SDAD1: variants seen among roughly 807,000 people sequenced by gnomAD.
SDAD1 encodes SDA1 domain containing 1, also known as protein SDA1 homolog.
Under a neutral mutation model 100.3 loss-of-function variants are expected in SDAD1, and 79 were observed. The ratio of observed to expected loss-of-function variants is 0.79; its 90% CI spans 0.66 to 0.95. The LOEUF is 0.95. Ranked by LOEUF, SDAD1 falls within the 40% of genes least tolerant of loss-of-function variation. The probability of loss-of-function intolerance (pLI) is 0.00; values close to 1 mark genes in which losing one functional copy is unlikely to be tolerated. For synonymous variants in SDAD1, 267 were observed against 271.4 expected (o/e 0.98, Z 0.16); for missense variants, 790 against 810.9 (o/e 0.97, Z 0.31).
rs753084246 is a variant in SDAD1 at position 75,990,675 on chromosome 4, C to G, written c.90+77G>C. The G allele has an allele frequency of 2.5e-6, 4 of 1,607,332 alleles. No homozygotes were observed. The African/African-American group carries it at 5.3e-5, about 21-fold the overall frequency. ...TAGGCGGCGAGCCTGGATCCCAGCC[C>G]CACTCCATGCTTTCCCGCACCGGCG... On this transcript the variant is annotated intron_variant, in intron 1 of 21. Coordinates refer to ENST00000356260, the MANE Select transcript of SDAD1 (RefSeq NM_018115.4).
At chr4:75,968,373 G>C (rs1263508137) in intron 11 of SDAD1, among the ~76,000 whole-genome samples, 1 of 152,086 alleles carries the variant, frequency 6.6e-6, no homozygotes, top group Non-Finnish European at 1.5e-5. Context: ...TGTTTGAAAA[G>C]TGTTTTTCTT....
At position 75,957,407 on chromosome 4, in the gene SDAD1, C is replaced by A. The variant is rs764925558; in HGVS notation, c.1772G>T (p.Gly591Val). The A allele has an allele frequency of 6.2e-7, 1 of 1,613,902 alleles. No homozygotes were observed. Among genetic ancestry groups the A allele is most frequent in the Non-Finnish European group, 8.5e-7 (1 of 1,179,950 alleles). ...AATGTCCCGAAGAGAAAGTAATTCA[C>A]CCCTGGGGTGAGGGAAAAATAACAC... is the stretch of plus-strand genomic sequence containing the variant. ...IEIDSDEEPR[G>V]ELLSLRDIER... Residue 591 changes from glycine to valine, a missense_variant and splice_region_variant, in exon 20 of 22, where the codon GGT (glycine) becomes GTT (valine). Gly to Val is a moderately radical substitution (Grantham distance 109, BLOSUM62 -3). Coordinates refer to ENST00000356260, the MANE Select transcript of SDAD1 (RefSeq NM_018115.4).
chr4:75,984,811 A>ACACACACACACACACACT (rs1179194724), intron 1 of SDAD1, among the ~76,000 whole-genome samples: 1 of 147,000 alleles, frequency 6.8e-6, no homozygotes, highest in African/African-American at 2.6e-5. Flanking sequence ...ACACACACAC[A>ACACACACACACACACACT]CTCTTTCTCA....
chr4:75,986,911 T>A (rs1432118271), intron 1 of SDAD1, among the ~76,000 whole-genome samples: 1 of 151,870 alleles, frequency 6.6e-6, no homozygotes. Flanking sequence ...CCAGCTACCC[T>A]GGAGGCTGAG....
At chr4:75,971,522 AC>A in intron 8 of SDAD1, 64 bp from the exon 9 acceptor site, 1 of 1,171,712 alleles carries the variant, frequency 8.5e-7, no homozygotes, top group South Asian at 1.3e-5. Context: ...GAAAGAGTAA[AC>A]CTTTCAGCCA....
chr4:75,973,809 T>G (rs1730001541), intron 7 of SDAD1, among the ~76,000 whole-genome samples: 1 of 152,066 alleles, frequency 6.6e-6, no homozygotes, highest in African/African-American at 2.4e-5. Flanking sequence ...ATTTAAAAAC[T>G]CATAATTCTA....
chr4:75,959,346 GTAATCC>G, intron 17 of SDAD1, among the ~76,000 whole-genome samples: 1 of 152,256 alleles, frequency 6.6e-6, no homozygotes, highest in East Asian at 1.9e-4. Context: ...GCTCACGCCT[GTAATCC>G]CAGCACTTTG....
chr4:75,959,022 C>T (rs1022005933), intron 17 of SDAD1, among the ~76,000 whole-genome samples: 1 of 132,194 alleles, frequency 7.6e-6, no homozygotes, highest in Non-Finnish European at 1.5e-5. Flanking sequence ...GGCGTGAACC[C>T]AGGAGGTGGA....
intron 1 of SDAD1, among the ~76,000 whole-genome samples, chr4:75,990,188 T>A (rs557831714): frequency 6.6e-6 from 1 of 151,800 alleles, no homozygotes; most frequent in Non-Finnish European, 1.5e-5. Flanking sequence ...AATTCTGACA[T>A]CCGAGTCATG....
chr4:75,983,513 T>C (rs1277161846), intron 1 of SDAD1, among the ~76,000 whole-genome samples: 1 of 152,254 alleles, frequency 6.6e-6, no homozygotes, highest in African/African-American at 2.4e-5. Flanking sequence ...TATCTCATTG[T>C]AGTTTTGATT....
At position 75,971,398 on chromosome 4, in the gene SDAD1, T is replaced by C; in HGVS notation, c.772A>G (p.Lys258Glu). 6.2e-7 allele frequency: 1 copy of C among 1,614,150 alleles called. No individual in the cohort carries two copies. Among genetic ancestry groups the C allele is most frequent in the Non-Finnish European group, 8.5e-7 (1 of 1,180,000 alleles). Residue 258 changes from lysine to glutamate, a missense_variant, in exon 9 of 22, where the codon AAA (lysine) becomes GAA (glutamate). Coordinates refer to ENST00000356260, the MANE Select transcript of SDAD1 (RefSeq NM_018115.4). ...GCCTTTTCCAACTTTTTCTTGTTTT[T>C]GGAACTTTTCTTCCCTGTAGCATAT... ...VQYATGKKSS[K>E]NKKKLEKAMK...
At chr4:75,974,779 C>G (rs987208014) in intron 6 of SDAD1, among the ~76,000 whole-genome samples, 5 of 151,096 alleles carry the variant, frequency 3.3e-5, no homozygotes, top group Admixed American at 6.6e-5. Context: ...CAGTGGCTCA[C>G]GCCTGTAATC....
intron 21 of SDAD1, among the ~76,000 whole-genome samples, chr4:75,953,483 T>C (rs1389236905): frequency 6.6e-6 from 1 of 152,220 alleles, no homozygotes; most frequent in African/African-American, 2.4e-5. Context: ...TAGGAGAATG[T>C]GGCAAAATTT....
At chr4:75,973,525 T>G (rs1472001043) in intron 7 of SDAD1, 134 bp from the exon 8 acceptor site, 4 of 631,982 alleles carry the variant, frequency 6.3e-6, no homozygotes, top group Non-Finnish European at 1.1e-5. Flanking sequence ...GGATTTTTGT[T>G]CATTTTTTCT....
At chr4:75,956,928 G>A (rs1190935514) in intron 20 of SDAD1, among the ~76,000 whole-genome samples, 1 of 152,156 alleles carries the variant, frequency 6.6e-6, no homozygotes, top group African/African-American at 2.4e-5. Context: ...TGGCCAACAT[G>A]GCGAAACCTT....
chr4:75,981,619 G>T, intron 2 of SDAD1, 149 bp from the exon 3 acceptor site: 2 of 1,333,592 alleles, frequency 1.5e-6, no homozygotes, highest in Non-Finnish European at 2.1e-6. Context: ...CCTTCTACAT[G>T]TTAATTTCTC....
rs1729860081 is a variant in SDAD1 at position 75,971,424 on chromosome 4, T to A, written c.746A>T (p.Gln249Leu). Reference protein sequence around the residue: ...DGPTARDLLVQYATGKKSSKN... With the variant: ...DGPTARDLLVLYATGKKSSKN... ...GGAACTTTTCTTCCCTGTAGCATATTGTACTAGCAGGTCTCTTGCTGTTGG... is the reference window on the plus strand; with the variant it reads ...GGAACTTTTCTTCCCTGTAGCATATAGTACTAGCAGGTCTCTTGCTGTTGG... Residue 249 changes from glutamine (Q) to leucine (L), a missense_variant, in exon 9 of 22, where the codon CAA becomes CTA. By Grantham distance (113) the Gln-to-Leu change is moderately radical. Transcript: ENST00000356260. The A allele has an allele frequency of 6.2e-7, 1 of 1,613,964 alleles. No homozygotes were observed. The highest frequency in any genetic ancestry group is 1.1e-5 in the South Asian group (1 of 91,080).
Position 75,973,350 on chromosome 4 carries a change from T to G in SDAD1, c.678A>C (p.Glu226Asp), listed in dbSNP as rs1381179071. 13 of 1,613,770 alleles carry G rather than the reference T, an allele frequency of 8.1e-6. No individual in the cohort carries two copies. The highest frequency in any genetic ancestry group is 1.0e-5 in the Non-Finnish European group (12 of 1,179,834). Residue 226 changes from glutamate (E) to aspartate (D), a missense_variant, in exon 8 of 22, where the codon GAA (glutamate) becomes GAC (aspartate). Physicochemically the swap from Glu to Asp is conservative, Grantham distance 45 (BLOSUM62 2). Coordinates refer to ENST00000356260, the MANE Select transcript of SDAD1 (RefSeq NM_018115.4). ...AALTFFLGKD[E>D]DEKQDSDSES... is the part of the protein sequence containing the mutation. Reference sequence around the variant, plus strand: ...CGGAGTCACTGTCCTGTTTTTCATCTTCATCTTTCCCAAGAAAGAATGTCA... The same window carrying G: ...CGGAGTCACTGTCCTGTTTTTCATCGTCATCTTTCCCAAGAAAGAATGTCA...
chr4:75,985,936 T>C (rs1730865753), intron 1 of SDAD1, among the ~76,000 whole-genome samples: 8 of 152,146 alleles, frequency 5.3e-5, no homozygotes, highest in Admixed American at 5.2e-4. Context: ...CTCATCCAGC[T>C]TCAATTCCAT....
Sources: gnomAD v4.1 joint callset for allele counts (sites outside exome capture counted in the v4.1 genomes callset) on GRCh38, gnomAD v4.1.1 for gene constraint, MANE v1.5 for transcripts, NCBI Gene and HGNC (gene_info 2026-07-23, HGNC 2026-07-21) for gene names.